Variants in GRID1 observed in about 807,000 individuals in gnomAD.
GRID1 encodes the protein glutamate ionotropic receptor delta type subunit 1, also known as glutamate receptor ionotropic, delta-1.
In GRID1, 28 loss-of-function variants were observed where a neutral mutation model predicts 98.0. The observed-to-expected ratio is 0.29, with a 90% CI of 0.21 to 0.39. The LOEUF (loss-of-function observed/expected upper bound fraction) is 0.39, where lower values mean the gene tolerates loss of function less well. Among genes scored for constraint, GRID1 ranks in the 10% least tolerant of loss-of-function variants. GRID1 has a pLI of 1.00. For synonymous variants in GRID1, 553 were observed against 538.5 expected, an observed-to-expected ratio of 1.03 and a Z score of -0.37; for missense variants, 1,111 against 1,340.5, an observed-to-expected ratio of 0.83 and a Z score of 2.67.
At chr10:85,766,198 A>T (rs141875423) in intron 8 of GRID1, among the ~76,000 whole-genome samples, 49 of 152,360 alleles carry the variant, frequency 3.2e-4, no homozygotes, top group African/African-American at 1.2e-3. Flanking sequence ...TAAATTTGAC[A>T]ATAGGGACTG....
chr10:86,206,800 G>A lies in GRID1; in HGVS notation c.236-152C>T. On this transcript the variant is annotated intron_variant, in intron 2 of 15. Transcript: ENST00000327946. This position sits in a 1 kb window ranked among gnomAD's most constrained non-coding sequence, Gnocchi z 4.1. ...ACCAAGAACCATCCTGGGCAGGCCA[G>A]TGGCTCTCATAAGCACAGCCTCACT... The A allele has an allele frequency of 3.1e-6, 2 of 647,452 alleles. No individual in the cohort carries two copies. The highest frequency in any genetic ancestry group is 5.3e-6 in the Non-Finnish European group (2 of 378,584). The allele number at this position is 647,452 out of a possible 1,614,324, so 40.1% of individuals were successfully genotyped here.
chr10:85,999,211 CAA>C (rs60210628), intron 4 of GRID1, among the ~76,000 whole-genome samples: 158 of 129,998 alleles, frequency 1.2e-3, no homozygotes, highest in Middle Eastern at 3.9e-3. Flanking sequence ...GACTCTATTT[CAA>C]AAAAAAAAAA....
rs542522818 is a variant in GRID1, at chr10:86,018,708, C to A, written c.727-102469G>T. On this transcript the variant is annotated intron_variant, in intron 4 of 15. Coordinates refer to ENST00000327946, the MANE Select transcript of GRID1 (RefSeq NM_017551.3). ...GGGCCACAGACAAAGACTTGCTGCT[C>A]GGGGAGCTCTGGCCTGTGGTTGAGA... is the stretch of plus-strand genomic sequence containing the variant. Among the ~76,000 whole-genome samples, 14 of 152,306 alleles carry A rather than the reference C, an allele frequency of 9.2e-5. No individual in the cohort carries two copies. The South Asian group carries it at 2.9e-3, about 32-fold the overall frequency.
At chr10:85,953,497 C>T (rs193033544) in intron 4 of GRID1, among the ~76,000 whole-genome samples, 1 of 152,170 alleles carries the variant, frequency 6.6e-6, no homozygotes, top group East Asian at 1.9e-4. Context: ...AGTCAGCACC[C>T]CTAACTTCAA....
At chr10:86,321,610 C>T (rs1181140637) in intron 2 of GRID1, among the ~76,000 whole-genome samples, 3 of 152,312 alleles carry the variant, frequency 2.0e-5, no homozygotes, top group East Asian at 3.9e-4. Context: ...ATGAAGCTGG[C>T]AGCTCCAATC....
chr10:85,974,496 G>A lies in GRID1; in HGVS notation c.727-58257C>T, dbSNP rs1005285324. 6.9e-4 allele frequency among the ~76,000 whole-genome samples: 105 copies of A among 152,250 alleles called. 1 individual carries two copies. The highest frequency in any genetic ancestry group is 2.4e-3 in the African/African-American group (98 of 41,536). ...TGCCATTGACCTTTTGAATCTAAGTGGAAGACTTTCAATTTTTCCACATCA... is the reference window on the plus strand; with the variant it reads ...TGCCATTGACCTTTTGAATCTAAGTAGAAGACTTTCAATTTTTCCACATCA... On this transcript the variant is annotated intron_variant, in intron 4 of 15. Transcript: ENST00000327946.
chr10:86,010,914 C>T (rs79831395), intron 4 of GRID1, among the ~76,000 whole-genome samples: 2,025 of 151,688 alleles, frequency 0.013, 51 homozygotes, highest in African/African-American at 0.046. Flanking sequence ...CAAAATTAGG[C>T]GGCAGATGAA....
At chr10:86,103,711 GC>G in intron 4 of GRID1, among the ~76,000 whole-genome samples, 1 of 152,200 alleles carries the variant, frequency 6.6e-6, no homozygotes, top group East Asian at 1.9e-4. Context: ...ACAGTGGGGG[GC>G]CCTTAGGAAA....
chr10:86,117,824 G>T (rs774630809), intron 4 of GRID1, among the ~76,000 whole-genome samples: 6 of 152,210 alleles, frequency 3.9e-5, no homozygotes, highest in Non-Finnish European at 8.8e-5. Flanking sequence ...CTTGAATGCA[G>T]TGAAAAGGGG....
chr10:86,191,079 T>C (rs924974821), intron 3 of GRID1, among the ~76,000 whole-genome samples: 2 of 152,212 alleles, frequency 1.3e-5, no homozygotes, highest in Admixed American at 6.5e-5. Flanking sequence ...AATAAGCATC[T>C]GCTCAGGCCT....
At chr10:86,134,534 C>T (rs1844887413) in intron 4 of GRID1, among the ~76,000 whole-genome samples, 1 of 152,158 alleles carries the variant, frequency 6.6e-6, no homozygotes, top group African/African-American at 2.4e-5. Flanking sequence ...CCTCTAATAC[C>T]CTGAAAAGGA....
chr10:86,116,029 C>T (rs1844572674), intron 4 of GRID1, among the ~76,000 whole-genome samples: 1 of 152,146 alleles, frequency 6.6e-6, no homozygotes, highest in African/African-American at 2.4e-5. Flanking sequence ...ATAGGCTGTA[C>T]CATAAAGCCT....
chr10:85,949,313 T>G (rs1034788825), intron 4 of GRID1, among the ~76,000 whole-genome samples: 1 of 152,220 alleles, frequency 6.6e-6, no homozygotes, highest in Non-Finnish European at 1.5e-5. Context: ...TGCATATTTT[T>G]GGGCATCCTT....
At chr10:85,776,737 G>A (rs1407351356) in intron 8 of GRID1, among the ~76,000 whole-genome samples, 3 of 152,214 alleles carry the variant, frequency 2.0e-5, no homozygotes, top group Non-Finnish European at 2.9e-5. Context: ...CAACGCAGAG[G>A]AGGTTGGCCT....
chr10:85,932,490 G>A (rs1049879641), intron 4 of GRID1, among the ~76,000 whole-genome samples: 1 of 152,148 alleles, frequency 6.6e-6, no homozygotes. Context: ...GCTAATATGA[G>A]CCACTGTGCC....
At chr10:85,619,707 G>A (rs548802799) in intron 14 of GRID1, among the ~76,000 whole-genome samples, 160 bp downstream of exon 14, 36 of 152,354 alleles carry the variant, frequency 2.4e-4, no homozygotes, top group African/African-American at 8.7e-4. Context: ...CACAGGGTCT[G>A]AGGGTAGGGG....
chr10:86,308,466 C>A (rs1344615263), intron 2 of GRID1, among the ~76,000 whole-genome samples: 1 of 152,210 alleles, frequency 6.6e-6, no homozygotes, highest in East Asian at 1.9e-4. Context: ...ATACAAACAC[C>A]AAACACCCAG....
chr10:85,803,296 T>A (rs951772588), intron 8 of GRID1, among the ~76,000 whole-genome samples: 1 of 152,134 alleles, frequency 6.6e-6, no homozygotes, highest in African/African-American at 2.4e-5. Context: ...CCCCATGATG[T>A]AATTATTTCA....
intron 4 of GRID1, among the ~76,000 whole-genome samples, chr10:86,053,581 C>T (rs1369274495): frequency 1.3e-5 from 2 of 152,002 alleles, no homozygotes; most frequent in East Asian, 1.9e-4. Context: ...AGGCTGGTCT[C>T]GAACTCAGGA....
Sources: allele counts gnomAD v4.1 joint callset (sites outside exome capture counted in the v4.1 genomes callset), GRCh38; gene constraint gnomAD v4.1.1; non-coding constraint Gnocchi (gnomAD v3.1); transcripts MANE v1.5; gene names NCBI Gene and HGNC (gene_info 2026-07-23, HGNC 2026-07-21).